The following BLTP1 variants were observed in gnomAD, a reference collection of about 807,000 sequenced individuals.
The protein encoded by BLTP1 is bridge-like lipid transfer protein family member 1.
At chr4:122,353,007 A>G in the BLTP1 span, 2 of 1,614,076 alleles carry the variant, frequency 1.2e-6, no homozygotes. The surrounding 1 kb of genome is among the most constrained non-coding windows in gnomAD (Gnocchi z 4.3). Context: ...ATGGAATGCA[A>G]TTTGGAGGAT....
At chr4:122,243,196 C>T in the BLTP1 span, 2 of 992,584 alleles carry the variant, frequency 2.0e-6, no homozygotes, top group Non-Finnish European at 2.9e-6. Flanking sequence ...CAAAATAATT[C>T]AGCTCTTTTC....
the BLTP1 span, chr4:122,355,774 CTCTT>C: frequency 2.5e-5 from 39 of 1,572,648 alleles, no homozygotes; most frequent in Middle Eastern, 1.7e-4. Flanking sequence ...ATTTGACTCT[CTCTT>C]TATCATTATG....
At chr4:122,285,006 A>G in the BLTP1 span, among the ~76,000 whole-genome samples, 1 of 152,202 alleles carries the variant, frequency 6.6e-6, no homozygotes, top group Non-Finnish European at 1.5e-5. Flanking sequence ...TACCAGAAAG[A>G]GAAGCATTTT....
chr4:122,332,629 C>CTTTTT, the BLTP1 span, among the ~76,000 whole-genome samples: 9 of 142,540 alleles, frequency 6.3e-5, no homozygotes, highest in East Asian at 4.1e-4. Context: ...TAAAAGTTTG[C>CTTTTT]TTTTTTTTTT....
the BLTP1 span, among the ~76,000 whole-genome samples, chr4:122,332,843 A>G: frequency 8.8e-6 from 1 of 113,072 alleles, no homozygotes; most frequent in Non-Finnish European, 1.7e-5. Flanking sequence ...ATGTGATCTC[A>G]TTGTTCAATT....
At chr4:122,318,189 A>G in the BLTP1 span, 655 of 1,608,394 alleles carry the variant, frequency 4.1e-4, 4 homozygotes, top group East Asian at 0.014. Flanking sequence ...AGGAAATTCA[A>G]CGTTACCAAC....
the BLTP1 span, chr4:122,362,367 TAA>T: frequency 2.6e-6 from 2 of 763,242 alleles, no homozygotes; most frequent in Non-Finnish European, 4.1e-6. Context: ...TGGCTATAAT[TAA>T]AAGTTTGTAA....
At chr4:122,244,480 G>A in the BLTP1 span, 313 of 197,392 alleles carry the variant, frequency 1.6e-3, 3 homozygotes, top group Non-Finnish European at 2.6e-3. Context: ...CACAGATATG[G>A]AGAGCTGACT....
chr4:122,273,086 A>G, the BLTP1 span: 1 of 320,580 alleles, frequency 3.1e-6, no homozygotes, highest in Non-Finnish European at 4.5e-6. Flanking sequence ...AGCAATGATT[A>G]TATAAAACCA....
chr4:122,233,109 C>A, the BLTP1 span, among the ~76,000 whole-genome samples: 1 of 152,210 alleles, frequency 6.6e-6, no homozygotes, highest in South Asian at 2.1e-4. Flanking sequence ...CAGGCCTTGC[C>A]AGACCTCAAT....
chr4:122,169,539 G>A, the BLTP1 span: 1 of 748,626 alleles, frequency 1.3e-6, no homozygotes, highest in Non-Finnish European at 1.6e-6. Context: ...GGTTGGGTTA[G>A]TCATATGTTA....
At chr4:122,200,287 G>A in the BLTP1 span, 1 of 984,988 alleles carries the variant, frequency 1.0e-6, no homozygotes, top group Non-Finnish European at 1.2e-6. Context: ...TTGCAGAAAT[G>A]CCAAACTGCG....
the BLTP1 span, chr4:122,246,828 A>T: frequency 6.2e-7 from 1 of 1,608,552 alleles, no homozygotes; most frequent in Non-Finnish European, 8.5e-7. Flanking sequence ...ATACTTTATT[A>T]ATCTGAGCCA....
chr4:122,206,095 A>G, the BLTP1 span: 8 of 973,706 alleles, frequency 8.2e-6, no homozygotes, highest in African/African-American at 1.2e-4. Context: ...TTTAAAAAGC[A>G]GTTTAAACAT....
At chr4:122,310,822 A>G in the BLTP1 span, 14 of 335,752 alleles carry the variant, frequency 4.2e-5, no homozygotes, top group South Asian at 7.3e-4. Flanking sequence ...TTGCATTTAG[A>G]TAATTATAGG....
the BLTP1 span, chr4:122,154,416 G>C: frequency 1.0e-6 from 1 of 984,948 alleles, no homozygotes; most frequent in Admixed American, 6.2e-5. Context: ...CATTTTACTT[G>C]ACTTTTGAGC....
At chr4:122,353,224 T>G in the BLTP1 span, 1 of 1,561,184 alleles carries the variant, frequency 6.4e-7, no homozygotes, top group South Asian at 1.2e-5. This position sits in a 1 kb window ranked among gnomAD's most constrained non-coding sequence, Gnocchi z 4.3. Context: ...ACAATTGTAT[T>G]TCTGAAGTCC....
At chr4:122,306,554 G>C in the BLTP1 span, 3 of 984,480 alleles carry the variant, frequency 3.0e-6, no homozygotes, top group Non-Finnish European at 3.6e-6. Flanking sequence ...ACTAATTCTT[G>C]ATTTGACTTT....
chr4:122,234,495 C>CT, the BLTP1 span, among the ~76,000 whole-genome samples: 38 of 148,286 alleles, frequency 2.6e-4, no homozygotes, highest in Admixed American at 8.1e-4. Context: ...TTTATATTTG[C>CT]TTTTTTTTTA....
Sources: allele counts gnomAD v4.1 joint callset (sites outside exome capture counted in the v4.1 genomes callset), GRCh38; gene constraint gnomAD v4.1.1; non-coding constraint Gnocchi (gnomAD v3.1); transcripts MANE v1.5; gene names NCBI Gene and HGNC (gene_info 2026-07-23, HGNC 2026-07-21).